The following FGD5 variants were observed in gnomAD, a reference collection of about 807,000 sequenced individuals.
FGD5 encodes FYVE, RhoGEF and PH domain containing 5, also known as FYVE, RhoGEF and PH domain-containing protein 5.
Under a neutral mutation model 133.4 loss-of-function variants are expected in FGD5, and 28 were observed. The ratio of observed to expected loss-of-function variants is 0.21; its 90% CI spans 0.16 to 0.29. The LOEUF (loss-of-function observed/expected upper bound fraction) is 0.29. Ranked by LOEUF, FGD5 falls within the 10% of genes least tolerant of loss-of-function variation. The pLI is 1.00. For missense variants in FGD5, 1,858 were observed against 1,895.2 expected, an observed-to-expected ratio of 0.98 and a Z score of 0.36; for synonymous variants, 810 against 776.5, an observed-to-expected ratio of 1.04 and a Z score of -0.72.
chr3:14,890,516 A>C (rs1232316606), intron 4 of FGD5, among the ~76,000 whole-genome samples: 2 of 151,904 alleles, frequency 1.3e-5, no homozygotes, highest in African/African-American at 4.8e-5. Flanking sequence ...GGCTGCCAGG[A>C]CCCCCAGGTA....
intron 1 of FGD5, among the ~76,000 whole-genome samples, chr3:14,829,482 G>T (rs1452828462): frequency 6.6e-6 from 1 of 152,202 alleles, no homozygotes; most frequent in African/African-American, 2.4e-5. Flanking sequence ...GCTGCAGCCA[G>T]GGGAGGAGTG....
chr3:14,826,195 C>T (rs556172808), intron 1 of FGD5, among the ~76,000 whole-genome samples: 79 of 152,304 alleles, frequency 5.2e-4, no homozygotes, highest in African/African-American at 1.9e-3. Flanking sequence ...ATGTGCCCAG[C>T]ACCCAGATTA....
chr3:14,832,710 C>T (rs965496408), intron 1 of FGD5, among the ~76,000 whole-genome samples: 3 of 152,122 alleles, frequency 2.0e-5, no homozygotes, highest in Non-Finnish European at 2.9e-5. Context: ...TCTAGTTCAT[C>T]CCTTTGAGAG....
intron 1 of FGD5, among the ~76,000 whole-genome samples, chr3:14,829,140 A>G (rs529073724): frequency 1.3e-5 from 2 of 152,228 alleles, no homozygotes; most frequent in South Asian, 4.2e-4. Flanking sequence ...GAGACAGTCC[A>G]GGAAGAGAAA....
chr3:14,832,996 C>T (rs2036745796), intron 1 of FGD5, among the ~76,000 whole-genome samples: 1 of 152,168 alleles, frequency 6.6e-6, no homozygotes, highest in Non-Finnish European at 1.5e-5. Flanking sequence ...ATTATCCGTG[C>T]TTATAATACT....
chr3:14,857,677 T>C (rs2037310609), intron 1 of FGD5, among the ~76,000 whole-genome samples: 1 of 152,100 alleles, frequency 6.6e-6, no homozygotes, highest in Admixed American at 6.5e-5. Context: ...GAACCACCCT[T>C]AGTGTCCGCT....
At chr3:14,828,688 G>A (rs1481586253) in intron 1 of FGD5, among the ~76,000 whole-genome samples, 1 of 152,162 alleles carries the variant, frequency 6.6e-6, no homozygotes, top group Non-Finnish European at 1.5e-5. Context: ...TGGCTGAGGA[G>A]AAAGATGGAT....
chr3:14,933,051 G>A lies in FGD5; in HGVS notation c.4353-80G>A. 9.5e-6 allele frequency: 14 copies of A among 1,477,308 alleles called. No homozygotes were observed. The South Asian group carries it at 1.4e-4, about 15-fold the overall frequency. 91.5% of individuals were successfully genotyped at this position (1,477,308 alleles called of 1,614,324 possible). ...ACTTCAAACTAAGAGGAATCTACTA[G>A]TCCAGTCTTTTCTAGGTTCTGTGAC... On this transcript the variant is annotated intron_variant, in intron 19 of 19. Transcript: ENST00000285046.
chr3:14,923,902 C>T, intron 16 of FGD5, 106 bp from the exon 17 acceptor site: 1 of 1,394,234 alleles, frequency 7.2e-7, no homozygotes, highest in Non-Finnish European at 9.8e-7. Flanking sequence ...CCCACTTAAC[C>T]CCCATGGCTC....
rs765192792 is a variant in FGD5, at chr3:14,819,576, C to G, written c.505C>G (p.Leu169Val). The change falls in exon 1 of 20, where the codon CTA becomes GTA. Residue 169 changes from leucine to valine, a missense_variant. Leu to Val is a conservative substitution (Grantham distance 32, BLOSUM62 1). Around this residue, in one of 3 missense-constraint regions of FGD5, gnomAD observed 1,824 missense variants for 1,848.9 expected, o/e 0.99. Transcript: ENST00000285046. The surrounding 1 kb of genome is among the most constrained non-coding windows in gnomAD (Gnocchi z 4.1). ...GTCCAGAAGTGAGGAGGAAGAGAAGCTAGTGCAGCCACACAGGGAGTGCAG... is the reference window on the plus strand; with the variant it reads ...GTCCAGAAGTGAGGAGGAAGAGAAGGTAGTGCAGCCACACAGGGAGTGCAG... Reference protein sequence around the residue: ...QVSRSEEEEKLVQPHRECSLE... With the variant: ...QVSRSEEEEKVVQPHRECSLE... 6 of 1,551,282 alleles carry G rather than the reference C, an allele frequency of 3.9e-6. No homozygotes were observed. The African/African-American group carries it at 5.5e-5, about 14-fold the overall frequency.
At chr3:14,912,725 G>C (rs1164133893) in intron 11 of FGD5, among the ~76,000 whole-genome samples, 2 of 152,158 alleles carry the variant, frequency 1.3e-5, no homozygotes, top group African/African-American at 4.8e-5. Flanking sequence ...TTTATTCCAT[G>C]TTAGACAAGT....
Position 14,821,355 on chromosome 3 carries a change from C to T in FGD5, c.2284C>T (p.Arg762Trp), listed in dbSNP as rs768184216. 5 of 1,613,988 alleles carry T rather than the reference C, an allele frequency of 3.1e-6. No homozygotes were observed. Among genetic ancestry groups the T allele is most frequent in the East Asian group, 2.2e-5 (1 of 44,878 alleles). Residue 762 changes from arginine (R) to tryptophan (W), a missense_variant, in exon 1 of 20, where the codon CGG becomes TGG. This residue lies in a region of FGD5 where 1,824 missense variants were observed against 1,848.9 expected (regional missense o/e 0.99). Transcript: ENST00000285046. ...CCTGCCCTTGCCACTGACCAAGCCA[C>T]GGTCCATCTCCTTCCCCAGCGCTGA... Reference protein sequence around the residue: ...PFLPLPLTKPRSISFPSADTS... With the variant: ...PFLPLPLTKPWSISFPSADTS...
At chr3:14,899,990 G>A (rs980651107) in intron 7 of FGD5, among the ~76,000 whole-genome samples, 3 of 152,226 alleles carry the variant, frequency 2.0e-5, no homozygotes, top group South Asian at 2.1e-4. Context: ...AGAACGAGCA[G>A]ATGGAAGAGC....
intron 2 of FGD5, among the ~76,000 whole-genome samples, chr3:14,867,590 C>G (rs2037520611): frequency 6.6e-6 from 1 of 152,142 alleles, no homozygotes; most frequent in Admixed American, 6.5e-5. Flanking sequence ...CAGCAGACTC[C>G]CTGGCCACCC....
chr3:14,874,361 A>G (rs755297982), intron 2 of FGD5, among the ~76,000 whole-genome samples: 3 of 152,110 alleles, frequency 2.0e-5, no homozygotes, highest in Non-Finnish European at 2.9e-5. Context: ...TCTACAAAAA[A>G]TAAAAAAATT....
At chr3:14,916,306 G>A (rs2038552489) in intron 11 of FGD5, among the ~76,000 whole-genome samples, 1 of 152,210 alleles carries the variant, frequency 6.6e-6, no homozygotes. Context: ...ACAACCCTGA[G>A]CGTGATGTCA....
rs370897260 is a variant in FGD5 at position 14,926,059 on chromosome 3, C to T, written c.4069-11C>T. 3.0e-5 allele frequency: 49 copies of T among 1,613,278 alleles called. No homozygotes were observed. In the African/African-American group the frequency reaches 5.9e-4, roughly 19 times the overall value. ...CGGGGTGGGCTGACCGCTCTGCTTC[C>T]CTCCTGCCAGGTGGCTGCCTCTGGA... On this transcript the variant is annotated splice_polypyrimidine_tract_variant and intron_variant, in intron 17 of 19. Coordinates refer to ENST00000285046, the MANE Select transcript of FGD5 (RefSeq NM_152536.4).
At chr3:14,844,104 G>A (rs1445091363) in intron 1 of FGD5, among the ~76,000 whole-genome samples, 2 of 148,986 alleles carry the variant, frequency 1.3e-5, no homozygotes, top group East Asian at 2.0e-4. Context: ...TGACAAAAGC[G>A]AAGTGGCTTG....
chr3:14,866,524 C>T (rs2037496546), intron 2 of FGD5, among the ~76,000 whole-genome samples: 1 of 152,168 alleles, frequency 6.6e-6, no homozygotes, highest in African/African-American at 2.4e-5. Context: ...TCAGACTCAG[C>T]TTTGTCCCTT....
Sources: gnomAD v4.1 joint callset for allele counts (sites outside exome capture counted in the v4.1 genomes callset) on GRCh38, gnomAD v4.1.1 for gene constraint, gnomAD v4.1.1 regional missense constraint, Gnocchi (gnomAD v3.1) non-coding constraint, MANE v1.5 for transcripts, NCBI Gene and HGNC (gene_info 2026-07-23, HGNC 2026-07-21) for gene names.